SLC38A2: variants seen among roughly 807,000 people sequenced by gnomAD.
SLC38A2 encodes the protein solute carrier family 38 member 2, also known as sodium-coupled neutral amino acid symporter 2.
In SLC38A2, 11 loss-of-function variants were observed where a neutral mutation model predicts 61.5. The ratio of observed to expected loss-of-function variants is 0.18; its 90% confidence interval spans 0.11 to 0.30. The LOEUF (loss-of-function observed/expected upper bound fraction) is 0.30. Among genes scored for constraint, SLC38A2 ranks in the 10% least tolerant of loss-of-function variants. The pLI is 1.00. For synonymous variants in SLC38A2, 217 were observed against 212.5 expected, an observed-to-expected ratio of 1.02 and a Z score of -0.18; for missense variants, 522 against 600.4, an observed-to-expected ratio of 0.87 and a Z score of 1.36.
Position 46,370,804 on chromosome 12 carries a change from A to G in SLC38A2, c.170T>C (p.Leu57Ser), listed in dbSNP as rs546397730. The change falls in exon 3 of 16, where the codon TTG (leucine) becomes TCG (serine). Residue 57 changes from leucine to serine, a missense_variant. Around this residue, in one of 3 missense-constraint regions of SLC38A2, gnomAD observed 102 missense variants for 83.1 expected, o/e 1.23. Transcript: ENST00000256689. ...ENQNFLLESNLGKKKYETEFH... is the reference protein window; with the variant it reads ...ENQNFLLESNSGKKKYETEFH... ...TTCTGTTTCATACTTCTTCTTCCCC[A>G]AATTCGATTCAAGTAAAAAGTTCTG... 1 of 1,613,210 alleles carries G rather than the reference A, an allele frequency of 6.2e-7. No homozygotes were observed. Among genetic ancestry groups the G allele is most frequent in the South Asian group, 1.1e-5 (1 of 90,740 alleles).
At chr12:46,364,941 G>C (rs927583604) in intron 8 of SLC38A2, 166 bp downstream of exon 8, 8 of 719,090 alleles carry the variant, frequency 1.1e-5, no homozygotes, top group Admixed American at 5.9e-5. Context: ...ACAACATATA[G>C]TGTCAATTAA....
chr12:46,363,604 A>T (rs1340250736), intron 12 of SLC38A2, 122 bp downstream of exon 12: 1 of 551,378 alleles, frequency 1.8e-6, no homozygotes, highest in Non-Finnish European at 3.1e-6. Context: ...CACAAATATG[A>T]AATATATTAA....
In SLC38A2 at chr12:46,364,536, C is replaced by A. The variant is rs773289228; in HGVS notation, c.726G>T (p.Gln242His). 23 of 1,604,738 alleles carry A rather than the reference C, an allele frequency of 1.4e-5. 2 individuals carry two copies. In the South Asian group the frequency reaches 2.5e-4, roughly 17 times the overall value. Residue 242 changes from glutamine (Q) to histidine (H), a missense_variant, in exon 10 of 16, where the codon CAG becomes CAT. By Grantham distance (24) the Gln-to-His change is conservative (BLOSUM62 0). Around this residue, in one of 3 missense-constraint regions of SLC38A2, gnomAD observed 309 missense variants for 343.9 expected, o/e 0.90. Coordinates refer to ENST00000256689, the MANE Select transcript of SLC38A2 (RefSeq NM_018976.5). Reference protein sequence around the residue: ...FLIVVICKKFQVPCPVEAALI... With the variant: ...FLIVVICKKFHVPCPVEAALI... Reference sequence around the variant, plus strand: ...AAGCAGCTTCCACAGGACACGGAACCTGAAATTTCTTGCAAATGACCTAAA... The same window carrying A: ...AAGCAGCTTCCACAGGACACGGAACATGAAATTTCTTGCAAATGACCTAAA...
chr12:46,362,411 A>T (rs1943090921), intron 14 of SLC38A2, 30 bp from the exon 15 acceptor site: 1 of 1,601,300 alleles, frequency 6.2e-7, no homozygotes, highest in East Asian at 2.2e-5. Flanking sequence ...TTTCTTGAGG[A>T]TTCAATGAAC....
chr12:46,370,504 A>ATACT lies in SLC38A2; in HGVS notation c.314+4_314+7dup, dbSNP rs750740863. 3 of 1,598,586 alleles carry ATACT rather than the reference A, an allele frequency of 1.9e-6. No individual in the cohort carries two copies. The highest frequency in any genetic ancestry group is 2.6e-6 in the Non-Finnish European group (3 of 1,165,876). ...TGCATGGCAGACTCACTACTTACAC[A>ATACT]TACTTACATAAAAAGAGCAATTCCA... On this transcript the variant is annotated splice_region_variant and intron_variant, in intron 4 of 15. Transcript: ENST00000256689.
chr12:46,364,786 T>A (rs1309137776), intron 8 of SLC38A2, 84 bp from the exon 9 acceptor site: 10 of 1,365,804 alleles, frequency 7.3e-6, no homozygotes, highest in Non-Finnish European at 9.2e-6. Flanking sequence ...AATAACTCAA[T>A]TCTGCTGGGA....
intron 7 of SLC38A2, among the ~76,000 whole-genome samples, chr12:46,366,498 A>G (rs1007716358): frequency 6.6e-6 from 1 of 152,178 alleles, no homozygotes; most frequent in African/African-American, 2.4e-5. Flanking sequence ...AGTCTTAAGA[A>G]TTCCAAACTT....
At position 46,372,755 on chromosome 12, in the gene SLC38A2, G is replaced by A. The variant is rs1820568072; in HGVS notation, c.-333C>T. On this transcript the variant is annotated 5_prime_UTR_variant, in exon 1 of 16. Transcript: ENST00000256689. The stretch of plus-strand genomic sequence containing the variant: ...CAGTACTGGAAAGGCGTTCTAAGGC[G>A]GCGGCGTCGCGCGGCTGTGGAGCAG... 3 of 398,342 alleles carry A rather than the reference G, an allele frequency of 7.5e-6. No homozygotes were observed. Among genetic ancestry groups the A allele is most frequent in the Non-Finnish European group, 1.3e-5 (3 of 225,836 alleles). 24.7% of individuals were successfully genotyped at this position (398,342 alleles called of 1,614,324 possible). A position where few individuals can be genotyped will look rare whatever the true frequency, so the allele number is the denominator to read the frequency against.
chr12:46,364,027 C>T (rs778423073), intron 10 of SLC38A2, 24 bp from the exon 11 acceptor site: 73 of 1,579,460 alleles, frequency 4.6e-5, no homozygotes, highest in Non-Finnish European at 6.1e-5. Context: ...TAAAAATCTA[C>T]TTAATCTGAT....
chr12:46,368,878 G>A (rs1294603947), intron 4 of SLC38A2, among the ~76,000 whole-genome samples: 1 of 152,212 alleles, frequency 6.6e-6, no homozygotes, highest in Non-Finnish European at 1.5e-5. Flanking sequence ...TCAACCTTCA[G>A]ATTGATTCTA....
rs376631904 is a variant in SLC38A2, at chr12:46,358,638, G to A, written c.*2473C>T. On this transcript the variant is annotated 3_prime_UTR_variant, in exon 16 of 16. Transcript: ENST00000256689. Reference sequence around the variant, plus strand: ...CATAATGTGAATTCATCAAAATGCAGTTAAGAAACTTACAGGAATATATAC... The same window carrying A: ...CATAATGTGAATTCATCAAAATGCAATTAAGAAACTTACAGGAATATATAC... 1.8e-4 allele frequency: 27 copies of A among 152,452 alleles called. No individual in the cohort carries two copies. The highest frequency in any genetic ancestry group is 6.5e-4 in the African/African-American group (27 of 41,416). 9.4% of individuals were successfully genotyped at this position (152,452 alleles called of 1,614,324 possible). A position where few individuals can be genotyped will look rare whatever the true frequency, so the allele number is the denominator to read the frequency against.
At position 46,366,888 on chromosome 12, in the gene SLC38A2, A is replaced by G. The variant is rs1943143997; in HGVS notation, c.539T>C (p.Leu180Ser). The G allele has an allele frequency of 6.2e-7, 1 of 1,613,722 alleles. No individual in the cohort carries two copies. Among genetic ancestry groups the G allele is most frequent in the South Asian group, 1.1e-5 (1 of 90,904 alleles). ...CCCAGTTTTATCTTCAATGTTCGTT[A>G]ATGCCTGGATCACCAAAGGCAACTC... The part of the protein sequence containing the change: ...KYELPLVIQA[L>S]TNIEDKTGLW... Residue 180 changes from leucine to serine, a missense_variant, in exon 7 of 16, where the codon TTA (leucine) becomes TCA (serine). Leu to Ser is a moderately radical substitution (Grantham distance 145). Transcript: ENST00000256689.
At chr12:46,361,413 A>C (rs922850486) in intron 15 of SLC38A2, among the ~76,000 whole-genome samples, 5 of 152,318 alleles carry the variant, frequency 3.3e-5, no homozygotes, top group African/African-American at 1.2e-4. Flanking sequence ...AGGCCTTCTG[A>C]ACTTTTTCAC....
intron 1 of SLC38A2, 149 bp downstream of exon 1, chr12:46,372,360 G>A (rs1400994665): frequency 4.2e-6 from 1 of 236,698 alleles, no homozygotes; most frequent in Non-Finnish European, 8.1e-6. Context: ...GGGCCAGGGT[G>A]GAAGGCTGGC....
In SLC38A2 at chr12:46,360,546, T is replaced by C. The variant is rs557307891; in HGVS notation, c.*565A>G. ...GGCAAACCATTTCATTATATTAATA[T>C]TCATTTTTAAATACCAATGACATTA... On this transcript the variant is annotated 3_prime_UTR_variant, in exon 16 of 16. Coordinates refer to ENST00000256689, the MANE Select transcript of SLC38A2 (RefSeq NM_018976.5). The C allele has an allele frequency of 6.6e-5, 10 of 152,378 alleles. No homozygotes were observed. Among genetic ancestry groups the C allele is most frequent in the African/African-American group, 1.9e-4 (8 of 41,568 alleles). 9.4% of individuals were successfully genotyped at this position (152,378 alleles called of 1,614,324 possible).
chr12:46,372,718 G>C lies in SLC38A2; in HGVS notation c.-296C>G, dbSNP rs1287051246. 2.5e-6 allele frequency: 1 copy of C among 398,362 alleles called. No homozygotes were observed. The highest frequency in any genetic ancestry group is 4.4e-6 in the Non-Finnish European group (1 of 225,956). The allele number at this position is 398,362 out of a possible 1,614,324, so 24.7% of individuals were successfully genotyped here. Reference sequence around the variant, plus strand: ...GCGAGCGTGCGGTAACGCGTGGTCGGGCTGCTGCTAGCAGTACTGGAAAGG... The same window carrying C: ...GCGAGCGTGCGGTAACGCGTGGTCGCGCTGCTGCTAGCAGTACTGGAAAGG... On this transcript the variant is annotated 5_prime_UTR_variant, in exon 1 of 16. Coordinates refer to ENST00000256689, the MANE Select transcript of SLC38A2 (RefSeq NM_018976.5).
At chr12:46,362,926 C>T (rs1943098884) in intron 13 of SLC38A2, 95 bp downstream of exon 13, 2 of 1,476,008 alleles carry the variant, frequency 1.4e-6, no homozygotes, top group East Asian at 4.6e-5. Context: ...TATTGTTCTA[C>T]TGGTGTTTCC....
intron 10 of SLC38A2, 40 bp from the exon 11 acceptor site, chr12:46,364,043 G>A (rs777073725): frequency 8.0e-6 from 12 of 1,500,058 alleles, no homozygotes; most frequent in African/African-American, 4.2e-5. Context: ...CTGATGTAAC[G>A]AACTCATGCT....
chr12:46,369,638 AG>A (rs1565830073), intron 4 of SLC38A2, among the ~76,000 whole-genome samples: 1 of 152,212 alleles, frequency 6.6e-6, no homozygotes, highest in Non-Finnish European at 1.5e-5. Flanking sequence ...CTTAAACTTA[AG>A]GGCTATGACA....
Sources: allele counts gnomAD v4.1 joint callset (sites outside exome capture counted in the v4.1 genomes callset), GRCh38; gene constraint gnomAD v4.1.1; regional missense constraint gnomAD v4.1.1; transcripts MANE v1.5; gene names NCBI Gene and HGNC (gene_info 2026-07-23, HGNC 2026-07-21).